The following ARHGEF17 variants were observed in gnomAD, a reference collection of about 807,000 sequenced individuals.
ARHGEF17 encodes the protein 164 kDa Rho-specific guanine-nucleotide exchange factor.
Under a neutral mutation model 174.0 loss-of-function variants are expected in ARHGEF17, and 80 were observed. That is an observed-to-expected ratio of 0.46 (90% confidence interval 0.38 to 0.55). The LOEUF (loss-of-function observed/expected upper bound fraction) is 0.55, where lower values mean the gene tolerates loss of function less well. Among genes scored for constraint, ARHGEF17 ranks in the 20% least tolerant of loss-of-function variants. The probability of loss-of-function intolerance (pLI) is 0.00; values close to 1 mark genes in which losing one functional copy is unlikely to be tolerated. For missense variants in ARHGEF17, 2,886 were observed against 2,839.7 expected (o/e 1.02, Z -0.37); for synonymous variants, 1,311 against 1,189.1 (o/e 1.10, Z -2.11).
chr11:73,361,988 C>T (rs2134421678), intron 12 of ARHGEF17, 52 bp from the exon 13 acceptor site: 2 of 1,583,062 alleles, frequency 1.3e-6, no homozygotes, highest in Non-Finnish European at 1.7e-6. Context: ...GTGGGGAATG[C>T]TGGCAGCAGT....
chr11:73,361,334 CAT>C (rs1422074607), intron 12 of ARHGEF17, among the ~76,000 whole-genome samples, 173 bp downstream of exon 12: 3 of 152,176 alleles, frequency 2.0e-5, no homozygotes, highest in Non-Finnish European at 2.9e-5. Flanking sequence ...TACATGTACA[CAT>C]GTATATGGGT....
rs772777629 is a variant in ARHGEF17 at position 73,365,425 on chromosome 11, C to T, written c.5586C>T (p.Cys1862=). The change falls in exon 19 of 21, where the codon TGC becomes TGT. Residue 1862 remains cysteine, a synonymous_variant. Transcript: ENST00000263674. The surrounding 1 kb of genome is among the most constrained non-coding windows in gnomAD (Gnocchi z 4.9). ...ACGTGGGTCAGGATTCAAGCCGCTG[C>T]GTGGCTTGCATGGTGGACTCCAGCC... ...MFYVGQDSSR[C]VACMVDSSLG... is the part of the protein sequence containing the mutation. The T allele has an allele frequency of 2.0e-5, 33 of 1,613,890 alleles. No homozygotes were observed. The highest frequency in any genetic ancestry group is 2.4e-5 in the Non-Finnish European group (28 of 1,180,034).
At chr11:73,349,444 A>G (rs1215954897) in intron 2 of ARHGEF17, among the ~76,000 whole-genome samples, 1 of 152,070 alleles carries the variant, frequency 6.6e-6, no homozygotes, top group African/African-American at 2.4e-5. Context: ...GTGAAACCTC[A>G]TCTCTACTAG....
At chr11:73,363,523 G>A in intron 15 of ARHGEF17, 68 bp downstream of exon 15, 2 of 1,558,738 alleles carry the variant, frequency 1.3e-6, no homozygotes, top group Non-Finnish European at 1.7e-6. Flanking sequence ...GAAATCATGT[G>A]GTCCCCTGGA....
intron 1 of ARHGEF17, among the ~76,000 whole-genome samples, chr11:73,313,804 G>A (rs1864883627): frequency 6.6e-6 from 1 of 152,232 alleles, no homozygotes; most frequent in Non-Finnish European, 1.5e-5. Context: ...CCTGCTCTGT[G>A]CCTCACTTCC....
chr11:73,349,842 AG>A (rs1336926790), intron 2 of ARHGEF17, among the ~76,000 whole-genome samples: 1 of 152,148 alleles, frequency 6.6e-6, no homozygotes, highest in African/African-American at 2.4e-5. Context: ...GGTGGACAGG[AG>A]GGTGTCACGT....
rs1864731064 is a variant in ARHGEF17, at chr11:73,308,590, T to G, written c.-49T>G. 1 of 1,374,826 alleles carries G rather than the reference T, an allele frequency of 7.3e-7. No individual in the cohort carries two copies. The highest frequency in any genetic ancestry group is 9.4e-7 in the Non-Finnish European group (1 of 1,065,370). 85.2% of individuals were successfully genotyped at this position (1,374,826 alleles called of 1,614,324 possible). The stretch of plus-strand genomic sequence containing the variant: ...CTAGGGAGTGGGGGCGCAGGGGGGG[T>G]TGGCCGCGGCTGCCCGAGGCCAGCC... On this transcript the variant is annotated 5_prime_UTR_variant, in exon 1 of 21. Transcript: ENST00000263674.
intron 1 of ARHGEF17, chr11:73,343,105 C>A (rs1390006562): frequency 2.9e-5 from 10 of 344,562 alleles, no homozygotes; most frequent in Non-Finnish European, 3.1e-5. Context: ...CGCCCCGCCG[C>A]CACCCCGGCG....
chr11:73,311,315 C>G lies in ARHGEF17; in HGVS notation c.2677C>G (p.Leu893Val). The change falls in exon 1 of 21, where the codon CTG becomes GTG. Residue 893 changes from leucine (L) to valine (V), a missense_variant. Transcript: ENST00000263674. ...GTCTGAAAGGGCCCTACCTGAGGCT[C>G]TGCCTCCCCCTGCCACTGCCCACCG... ...AQSERALPEALPPPATAHRNF... is the reference protein window; with the variant it reads ...AQSERALPEAVPPPATAHRNF... The G allele has an allele frequency of 2.5e-6, 4 of 1,613,194 alleles. No individual in the cohort carries two copies. Among genetic ancestry groups the G allele is most frequent in the Non-Finnish European group, 3.4e-6 (4 of 1,180,028 alleles).
intron 1 of ARHGEF17, 101 bp downstream of exon 1, chr11:73,311,931 A>G: frequency 1.5e-6 from 2 of 1,368,182 alleles, no homozygotes; most frequent in Non-Finnish European, 2.0e-6. Context: ...TCAGGTGCCC[A>G]GGTGCCAAGG....
chr11:73,316,998 A>G (rs1023315228), intron 1 of ARHGEF17, among the ~76,000 whole-genome samples: 5 of 152,180 alleles, frequency 3.3e-5, no homozygotes, highest in African/African-American at 4.8e-5. Flanking sequence ...CTGGACCCCA[A>G]TGTTCAAGGT....
At chr11:73,329,352 TATATATATATA>T (rs1359921788) in intron 1 of ARHGEF17, among the ~76,000 whole-genome samples, 6 of 44,634 alleles carry the variant, frequency 1.3e-4, no homozygotes, top group African/African-American at 1.9e-4. Flanking sequence ...TATATATATA[TATATATATATA>T]TATATATATA....
At chr11:73,318,307 GTCC>G (rs1864960820) in intron 1 of ARHGEF17, among the ~76,000 whole-genome samples, 1 of 151,968 alleles carries the variant, frequency 6.6e-6, no homozygotes, top group African/African-American at 2.4e-5. Flanking sequence ...TGTGGGGCCT[GTCC>G]AGAAGTGTGA....
Position 73,310,736 on chromosome 11 carries a change from C to G in ARHGEF17, c.2098C>G (p.Pro700Ala), listed in dbSNP as rs774644446. ...GTGGGCCCTGGTGTCGCCTGAGACC[C>G]CTCCCACACCAGGTGCCCTCCGCCG... is the stretch of plus-strand genomic sequence containing the variant. The part of the protein sequence containing the change: ...GGWALVSPET[P>A]PTPGALRRRR... The change falls in exon 1 of 21, where the codon CCT becomes GCT. Residue 700 changes from proline to alanine, a missense_variant. This residue lies in a region of ARHGEF17 where 1,728 missense variants were observed against 1,461.2 expected (regional missense o/e 1.18). Coordinates refer to ENST00000263674, the MANE Select transcript of ARHGEF17 (RefSeq NM_014786.4). 4.3e-6 allele frequency: 7 copies of G among 1,611,586 alleles called. No individual in the cohort carries two copies. The highest frequency in any genetic ancestry group is 5.9e-6 in the Non-Finnish European group (7 of 1,178,598).
At position 73,309,980 on chromosome 11, in the gene ARHGEF17, G is replaced by A. The variant is rs755709174; in HGVS notation, c.1342G>A (p.Asp448Asn). The A allele has an allele frequency of 6.2e-7, 1 of 1,613,960 alleles. No individual in the cohort carries two copies. Among genetic ancestry groups the A allele is most frequent in the African/African-American group, 1.3e-5 (1 of 74,930 alleles). The part of the protein sequence containing the change: ...GPGGTSRALR[D>N]GGFEPEKSRQ... ...TGGAGGCACCTCTAGGGCATTGAGG[G>A]ATGGAGGATTTGAGCCTGAAAAGAG... Residue 448 changes from aspartate to asparagine, a missense_variant, in exon 1 of 21, where the codon GAT (aspartate) becomes AAT (asparagine). By Grantham distance (23) the Asp-to-Asn change is conservative. Around this residue, in one of 4 missense-constraint regions of ARHGEF17, gnomAD observed 1,728 missense variants for 1,461.2 expected, o/e 1.18. Coordinates refer to ENST00000263674, the MANE Select transcript of ARHGEF17 (RefSeq NM_014786.4).
At chr11:73,358,293 T>C (rs1865678842) in intron 9 of ARHGEF17, among the ~76,000 whole-genome samples, 1 of 152,152 alleles carries the variant, frequency 6.6e-6, no homozygotes, top group Admixed American at 6.5e-5. Flanking sequence ...AAGGCCAAGA[T>C]GAGGGTGCCA....
intron 13 of ARHGEF17, 47 bp from the exon 14 acceptor site, chr11:73,362,386 C>A: frequency 6.8e-7 from 1 of 1,480,948 alleles, no homozygotes; most frequent in Non-Finnish European, 8.9e-7. Flanking sequence ...CCACCGGGGC[C>A]CCGTCTGGCT....
At chr11:73,322,970 CA>C (rs1420510100) in intron 1 of ARHGEF17, among the ~76,000 whole-genome samples, 1 of 152,110 alleles carries the variant, frequency 6.6e-6, no homozygotes, top group Non-Finnish European at 1.5e-5. Context: ...AATTTAGGTT[CA>C]GGGGTTATAT....
intron 2 of ARHGEF17, 63 bp downstream of exon 2, chr11:73,347,023 G>C (rs774460202): frequency 1.3e-6 from 2 of 1,482,456 alleles, no homozygotes; most frequent in Non-Finnish European, 1.9e-6. Flanking sequence ...TGTCAGATGG[G>C]TGTGAGCAAA....
Sources: gnomAD v4.1 joint callset for allele counts (sites outside exome capture counted in the v4.1 genomes callset) on GRCh38, gnomAD v4.1.1 for gene constraint, gnomAD v4.1.1 regional missense constraint, Gnocchi (gnomAD v3.1) non-coding constraint, MANE v1.5 for transcripts, NCBI Gene and HGNC (gene_info 2026-07-23, HGNC 2026-07-21) for gene names.